The following STK35 variants were observed in gnomAD, a reference collection of about 807,000 sequenced individuals.
The protein encoded by STK35 is serine/threonine-protein kinase 35.
STK35 carries 17 observed loss-of-function variants against 37.3 expected under a neutral mutation model. The observed-to-expected ratio is 0.46, with a 90% CI of 0.31 to 0.68. The LOEUF is 0.68. Among genes scored for constraint, STK35 ranks in the 30% least tolerant of loss-of-function variants. STK35 has a pLI of 0.05. For missense variants in STK35, 595 were observed against 746.7 expected, an observed-to-expected ratio of 0.80 and a Z score of 2.37; for synonymous variants, 385 against 319.1, an observed-to-expected ratio of 1.21 and a Z score of -2.20.
At chr20:2,124,073 C>CT (rs1467041889) in intron 3 of STK35, among the ~76,000 whole-genome samples, 3 of 152,168 alleles carry the variant, frequency 2.0e-5, no homozygotes, top group Non-Finnish European at 4.4e-5. Context: ...CAGTCCATGG[C>CT]TTTAACCAGT....
Position 2,102,100 on chromosome 20 carries a change from G to A in STK35, c.219G>A (p.Gly73=), listed in dbSNP as rs567681935. Residue 73 remains glycine, a synonymous_variant, in exon 1 of 4, where the codon GGG becomes GGA. Transcript: ENST00000381482. ...SRAARSRRQP[G]PGADHPQAGA... is the part of the protein sequence containing the mutation. Reference sequence around the variant, plus strand: ...CTGCTCGGTCCCGGAGGCAGCCCGGGCCCGGAGCGGACCATCCCCAGGCAG... The same window carrying A: ...CTGCTCGGTCCCGGAGGCAGCCCGGACCCGGAGCGGACCATCCCCAGGCAG... 6.8e-6 allele frequency: 10 copies of A among 1,467,552 alleles called. No individual in the cohort carries two copies. The highest frequency in any genetic ancestry group is 2.7e-5 in the East Asian group (1 of 36,712). The allele number at this position is 1,467,552 out of a possible 1,614,324, so 90.9% of individuals were successfully genotyped here.
At chr20:2,137,603 AT>A (rs1986107881) in intron 3 of STK35, among the ~76,000 whole-genome samples, 1 of 152,204 alleles carries the variant, frequency 6.6e-6, no homozygotes, top group Admixed American at 6.5e-5. Flanking sequence ...AAACAGTGTT[AT>A]CCCATTTGTC....
intron 3 of STK35, among the ~76,000 whole-genome samples, chr20:2,124,363 C>T (rs1029909645): frequency 2.6e-5 from 4 of 152,058 alleles, no homozygotes; most frequent in African/African-American, 7.2e-5. Context: ...GCCAAGGGGT[C>T]GAAGTCAGTG....
chr20:2,135,426 T>A (rs1200204447), intron 3 of STK35, among the ~76,000 whole-genome samples: 2 of 152,212 alleles, frequency 1.3e-5, no homozygotes, highest in African/African-American at 4.8e-5. Flanking sequence ...GAATGTGGCA[T>A]ATGGGAGTCC....
chr20:2,121,897 A>G (rs996337110), intron 3 of STK35, among the ~76,000 whole-genome samples: 2 of 152,190 alleles, frequency 1.3e-5, no homozygotes, highest in African/African-American at 4.8e-5. Context: ...TGAGAGGGGA[A>G]GAGGAGAGGA....
At chr20:2,122,569 G>A (rs985802634) in intron 3 of STK35, among the ~76,000 whole-genome samples, 11 of 152,142 alleles carry the variant, frequency 7.2e-5, no homozygotes, top group African/African-American at 2.7e-4. Flanking sequence ...TCATATCTGC[G>A]TTTTCCTGAC....
chr20:2,107,399 C>T (rs375936786), intron 2 of STK35, among the ~76,000 whole-genome samples: 4 of 152,212 alleles, frequency 2.6e-5, no homozygotes, highest in Non-Finnish European at 2.9e-5. Context: ...TGTTTGATGT[C>T]GATGCCTTTA....
At chr20:2,110,112 A>T (rs1379237247) in intron 2 of STK35, among the ~76,000 whole-genome samples, 3 of 152,224 alleles carry the variant, frequency 2.0e-5, no homozygotes, top group Non-Finnish European at 4.4e-5. Context: ...CTGCATTTTC[A>T]TATTTCTTTG....
chr20:2,125,491 T>C (rs1027098242), intron 3 of STK35, among the ~76,000 whole-genome samples: 1 of 152,246 alleles, frequency 6.6e-6, no homozygotes, highest in African/African-American at 2.4e-5. Flanking sequence ...GAAACTCTAC[T>C]GCTCCGTTCT....
chr20:2,113,448 A>C (rs945775104), intron 2 of STK35, among the ~76,000 whole-genome samples: 4 of 152,222 alleles, frequency 2.6e-5, no homozygotes, highest in African/African-American at 9.6e-5. Context: ...AGCTAGCCTT[A>C]AGGTGCACAT....
Position 2,125,405 on chromosome 20 carries a change from T to C in STK35, c.*37+7990T>C, listed in dbSNP as rs535921267. Among the ~76,000 whole-genome samples, 13 of 152,376 alleles carry C rather than the reference T, an allele frequency of 8.5e-5. No individual in the cohort carries two copies. In the South Asian group the frequency reaches 2.7e-3, roughly 32 times the overall value. ...AGCTATTCTGTTATGTGCCCTCTTTTCTGCAGATAAGGAAGCAGAAAATCA... is the reference window on the plus strand; with the variant it reads ...AGCTATTCTGTTATGTGCCCTCTTTCCTGCAGATAAGGAAGCAGAAAATCA... On this transcript the variant is annotated intron_variant, in intron 3 of 3. Transcript: ENST00000381482.
chr20:2,110,622 C>A (rs951830569), intron 2 of STK35, among the ~76,000 whole-genome samples: 8 of 152,088 alleles, frequency 5.3e-5, no homozygotes, highest in African/African-American at 1.7e-4. Context: ...GGAATGAATT[C>A]CTCAAGTGGG....
chr20:2,107,952 C>G (rs552963227), intron 2 of STK35, among the ~76,000 whole-genome samples: 2 of 152,316 alleles, frequency 1.3e-5, no homozygotes, highest in African/African-American at 4.8e-5. Flanking sequence ...AGAGCTGAAA[C>G]TTGCAGGTTG....
Position 2,116,778 on chromosome 20 carries a change from C to T in STK35, c.1005C>T (p.Ala335=). 1 of 1,614,168 alleles carries T rather than the reference C, an allele frequency of 6.2e-7. No homozygotes were observed. Among genetic ancestry groups the T allele is most frequent in the Non-Finnish European group, 8.5e-7 (1 of 1,180,046 alleles). Residue 335 remains alanine, a synonymous_variant, in exon 3 of 4, where the codon GCC becomes GCT. Transcript: ENST00000381482. ...QYVLSRRPDP[A]TNKSFMLQLT... is the part of the protein sequence containing the mutation. Reference sequence around the variant, plus strand: ...TCCTGTCCCGGAGGCCAGACCCAGCCACCAACAAAAGTTTCATGCTACAGC... The same window carrying T: ...TCCTGTCCCGGAGGCCAGACCCAGCTACCAACAAAAGTTTCATGCTACAGC...
At chr20:2,133,500 GGTGTTGGGTTTCACCCA>G (rs1986033617) in intron 3 of STK35, among the ~76,000 whole-genome samples, 1 of 152,230 alleles carries the variant, frequency 6.6e-6, no homozygotes, top group Non-Finnish European at 1.5e-5. Flanking sequence ...CCCCTTAGTT[GGTGTTGGGTTTCACCCA>G]GTGTCTGTGT....
intron 3 of STK35, among the ~76,000 whole-genome samples, chr20:2,119,017 G>A (rs1025098137): frequency 1.3e-5 from 2 of 152,132 alleles, no homozygotes; most frequent in South Asian, 2.1e-4. Flanking sequence ...ACCCATAACT[G>A]TATGTGCTAG....
At chr20:2,124,518 A>G (rs1010461871) in intron 3 of STK35, among the ~76,000 whole-genome samples, 2 of 152,182 alleles carry the variant, frequency 1.3e-5, no homozygotes, top group African/African-American at 4.8e-5. Context: ...CAGAGAGATC[A>G]TGGGGTCGAG....
intron 3 of STK35, among the ~76,000 whole-genome samples, chr20:2,130,448 T>TCTC (rs1408071082): frequency 2.0e-5 from 3 of 152,190 alleles, no homozygotes; most frequent in African/African-American, 7.2e-5. Context: ...TATAATTGTG[T>TCTC]TTCAAGAACA....
chr20:2,111,456 G>A (rs998685417), intron 2 of STK35, among the ~76,000 whole-genome samples: 2 of 152,080 alleles, frequency 1.3e-5, no homozygotes, highest in Non-Finnish European at 2.9e-5. Flanking sequence ...CAGTACTTAA[G>A]GAGGCTGAGG....
Sources: gnomAD v4.1 joint callset for allele counts (sites outside exome capture counted in the v4.1 genomes callset) on GRCh38, gnomAD v4.1.1 for gene constraint, MANE v1.5 for transcripts, NCBI Gene and HGNC (gene_info 2026-07-23, HGNC 2026-07-21) for gene names.